AKAP19: variants seen among roughly 807,000 people sequenced by gnomAD.
The protein encoded by AKAP19 is small A-kinase anchoring protein.
chr2:190,001,217 T>G, the AKAP19 span, among the ~76,000 whole-genome samples: 1 of 152,224 alleles, frequency 6.6e-6, no homozygotes, highest in Non-Finnish European at 1.5e-5. Flanking sequence ...GTTGGTTCTT[T>G]GTTGTCATAC....
chr2:190,166,317 C>CTTTTTTTTTTTTTTTTTTTTT, the AKAP19 span, among the ~76,000 whole-genome samples: 2 of 65,298 alleles, frequency 3.1e-5, no homozygotes, highest in African/African-American at 6.7e-5. Context: ...AAAATCCACT[C>CTTTTTTTTTTTTTTTTTTTTT]TTTTTTTTTT....
chr2:190,050,807 AC>A, the AKAP19 span, among the ~76,000 whole-genome samples: 76 of 152,298 alleles, frequency 5.0e-4, no homozygotes, highest in African/African-American at 1.8e-3. Context: ...GAGGCTTCAG[AC>A]ACTGGTATTT....
the AKAP19 span, among the ~76,000 whole-genome samples, chr2:190,094,252 G>A: frequency 1.3e-5 from 2 of 152,096 alleles, no homozygotes; most frequent in Non-Finnish European, 2.9e-5. Flanking sequence ...ATTTTTAAAG[G>A]TTTTTTTAAA....
the AKAP19 span, among the ~76,000 whole-genome samples, chr2:190,155,783 G>A: frequency 1.3e-5 from 2 of 151,742 alleles, no homozygotes; most frequent in African/African-American, 2.4e-5. Flanking sequence ...AATCAAAGGT[G>A]GATAGATTAA....
the AKAP19 span, among the ~76,000 whole-genome samples, chr2:190,139,018 A>G: frequency 4.2e-5 from 1 of 23,910 alleles, no homozygotes; most frequent in Non-Finnish European, 3.4e-4. Flanking sequence ...GTGGATTACT[A>G]TGTGCTAGGC....
the AKAP19 span, among the ~76,000 whole-genome samples, chr2:190,016,552 G>C: frequency 1.3e-5 from 2 of 152,164 alleles, no homozygotes; most frequent in Non-Finnish European, 2.9e-5. Context: ...AATCATATCA[G>C]TTGTTCAGAA....
At chr2:189,987,746 C>T in the AKAP19 span, among the ~76,000 whole-genome samples, 1 of 152,218 alleles carries the variant, frequency 6.6e-6, no homozygotes, top group Non-Finnish European at 1.5e-5. Context: ...TTTATAATTT[C>T]TGCCCAGCAT....
the AKAP19 span, among the ~76,000 whole-genome samples, chr2:190,133,405 T>C: frequency 6.6e-6 from 1 of 151,992 alleles, no homozygotes; most frequent in Non-Finnish European, 1.5e-5. Flanking sequence ...TGACACCTAT[T>C]AGGATGGCTA....
the AKAP19 span, among the ~76,000 whole-genome samples, chr2:190,102,492 A>G: frequency 1.3e-5 from 2 of 152,114 alleles, no homozygotes; most frequent in East Asian, 3.9e-4. Flanking sequence ...ATCAGAAATG[A>G]CAAAGGCGAC....
chr2:190,078,164 T>C, the AKAP19 span, among the ~76,000 whole-genome samples: 1 of 152,188 alleles, frequency 6.6e-6, no homozygotes, highest in Admixed American at 6.5e-5. Flanking sequence ...TCTGTTTCCT[T>C]GACTTAGCAA....
chr2:189,935,041 G>T, the AKAP19 span, among the ~76,000 whole-genome samples: 1 of 151,980 alleles, frequency 6.6e-6, no homozygotes, highest in African/African-American at 2.4e-5. Flanking sequence ...TCTGATCTTT[G>T]AACAGCTCCT....
chr2:190,092,334 A>T, the AKAP19 span, among the ~76,000 whole-genome samples: 982 of 151,658 alleles, frequency 6.5e-3, 17 homozygotes, highest in African/African-American at 0.022. Flanking sequence ...GGTCAAAATG[A>T]CCTTGATATT....
the AKAP19 span, among the ~76,000 whole-genome samples, chr2:190,193,099 T>C: frequency 6.6e-6 from 1 of 152,126 alleles, no homozygotes; most frequent in African/African-American, 2.4e-5. Flanking sequence ...GAAAAAGTGT[T>C]GTCTTTCACC....
the AKAP19 span, among the ~76,000 whole-genome samples, chr2:190,061,832 G>A: frequency 1.4e-5 from 2 of 147,834 alleles, no homozygotes; most frequent in African/African-American, 5.0e-5. Flanking sequence ...TTTTTTTTCT[G>A]TTATTAGTGA....
At chr2:189,977,510 G>C in the AKAP19 span, among the ~76,000 whole-genome samples, 2 of 152,196 alleles carry the variant, frequency 1.3e-5, no homozygotes, top group East Asian at 3.8e-4. Flanking sequence ...AATATTGAAT[G>C]CTGTTCTTGA....
chr2:189,977,827 A>T, the AKAP19 span, among the ~76,000 whole-genome samples: 541 of 152,328 alleles, frequency 3.6e-3, 2 homozygotes, highest in African/African-American at 0.013. Context: ...AAAGTCCTTG[A>T]CTTACAATGA....
At chr2:189,934,353 T>G in the AKAP19 span, among the ~76,000 whole-genome samples, 1 of 152,038 alleles carries the variant, frequency 6.6e-6, no homozygotes, top group Non-Finnish European at 1.5e-5. Context: ...ACTGACAAAA[T>G]TTGTAATGAA....
At chr2:189,922,255 A>C in the AKAP19 span, among the ~76,000 whole-genome samples, 1 of 152,236 alleles carries the variant, frequency 6.6e-6, no homozygotes, top group Non-Finnish European at 1.5e-5. Context: ...ACTTTTGTTA[A>C]AGTGTTGGCT....
chr2:189,972,119 A>T, the AKAP19 span, among the ~76,000 whole-genome samples: 1 of 152,246 alleles, frequency 6.6e-6, no homozygotes, highest in African/African-American at 2.4e-5. Context: ...TTTTATGTCT[A>T]ACATTTAAGT....
Sources: gnomAD v4.1 joint callset for allele counts (sites outside exome capture counted in the v4.1 genomes callset) on GRCh38, gnomAD v4.1.1 for gene constraint, MANE v1.5 for transcripts, NCBI Gene and HGNC (gene_info 2026-07-23, HGNC 2026-07-21) for gene names.